The following TMEM50B variants were observed in gnomAD, a reference collection of about 807,000 sequenced individuals.
TMEM50B encodes transmembrane protein 50B.
TMEM50B carries 14 observed loss-of-function variants against 23.4 expected under a neutral mutation model. That is an observed-to-expected ratio of 0.60 (90% CI 0.39 to 0.93). The LOEUF (loss-of-function observed/expected upper bound fraction) is 0.93. Among genes scored for constraint, TMEM50B ranks in the 40% least tolerant of loss-of-function variants. The pLI is 0.00. For synonymous variants in TMEM50B, 64 were observed against 62.3 expected (o/e 1.03, Z -0.13); for missense variants, 159 against 193.0 (o/e 0.82, Z 1.04).
intron 5 of TMEM50B, chr21:33,456,111 T>A: frequency 3.6e-6 from 2 of 560,092 alleles, no homozygotes; most frequent in Non-Finnish European, 7.0e-6. Context: ...AAATGCAAAA[T>A]CGTAAAAACA....
chr21:33,434,650 G>T (rs887681421), intron 8 of TMEM50B, among the ~76,000 whole-genome samples: 6 of 152,154 alleles, frequency 3.9e-5, no homozygotes, highest in Non-Finnish European at 8.8e-5. Context: ...GGTTAGATAA[G>T]GTCCAAGTCT....
At chr21:33,457,346 C>A (rs560651383) in intron 5 of TMEM50B, among the ~76,000 whole-genome samples, 44 of 151,836 alleles carry the variant, frequency 2.9e-4, no homozygotes, top group Middle Eastern at 3.4e-3. Context: ...TTTACTAGTT[C>A]TTTAAATATT....
intron 1 of TMEM50B, among the ~76,000 whole-genome samples, chr21:33,472,789 T>G (rs1429331433): frequency 6.6e-6 from 1 of 150,866 alleles, no homozygotes; most frequent in Non-Finnish European, 1.5e-5. Flanking sequence ...GGAGGATCAC[T>G]TGAACCTGGG....
At chr21:33,465,270 CAA>C in intron 4 of TMEM50B, 70 bp downstream of exon 4, 1 of 1,154,838 alleles carries the variant, frequency 8.7e-7, no homozygotes, top group Non-Finnish European at 1.3e-6. Context: ...TAAAGACTCA[CAA>C]GAGAGGCTTT....
intron 8 of TMEM50B, chr21:33,432,941 C>CA: frequency 1.5e-6 from 2 of 1,303,542 alleles, no homozygotes; most frequent in Non-Finnish European, 2.2e-6. Context: ...GCGGGAGTGT[C>CA]ATGGTACAAT....
chr21:33,442,279 C>T lies in TMEM50B; in HGVS notation c.*2037-2982G>A, dbSNP rs146094992. 3.1e-3 allele frequency among the ~76,000 whole-genome samples: 477 copies of T among 152,192 alleles called. 3 individuals are homozygous for T. Among genetic ancestry groups the T allele is most frequent in the Non-Finnish European group, 5.6e-3 (378 of 68,030 alleles). ...CCTCCCTTGAGACTCAAGGACTGTCCCACGGGAATGAAGTGAAAGTGACGT... is the reference window on the plus strand; with the variant it reads ...CCTCCCTTGAGACTCAAGGACTGTCTCACGGGAATGAAGTGAAAGTGACGT... On this transcript the variant is annotated intron_variant and NMD_transcript_variant, in intron 7 of 8. Transcript: ENST00000420455.
At position 33,458,347 on chromosome 21, in the gene TMEM50B, C is replaced by T. The variant is rs373109988; in HGVS notation, c.373+2066G>A. Among the ~76,000 whole-genome samples, 10 of 152,244 alleles carry T rather than the reference C, an allele frequency of 6.6e-5. No individual in the cohort carries two copies. The South Asian group carries it at 2.1e-3, about 32-fold the overall frequency. ...TGACCAATATGGTGAAACCCCATCT[C>T]TACTAAAAATACAAAAATTATCTGG... On this transcript the variant is annotated intron_variant, in intron 5 of 6. Coordinates refer to ENST00000542230, the MANE Select transcript of TMEM50B (RefSeq NM_006134.7).
intron 8 of TMEM50B, chr21:33,432,885 C>CAT: frequency 6.4e-7 from 1 of 1,569,810 alleles, no homozygotes; most frequent in Non-Finnish European, 8.7e-7. Flanking sequence ...CGTGTGCACA[C>CAT]ATCTCTTTTT....
At chr21:33,471,335 G>A (rs151046527) in intron 1 of TMEM50B, among the ~76,000 whole-genome samples, 23 of 132,840 alleles carry the variant, frequency 1.7e-4, no homozygotes, top group Non-Finnish European at 3.4e-4. Context: ...TATTCACAAC[G>A]TCCAATATAT....
intron 6 of TMEM50B, among the ~76,000 whole-genome samples, chr21:33,455,225 C>T (rs2084158598): frequency 2.0e-5 from 3 of 152,152 alleles, no homozygotes; most frequent in Admixed American, 2.0e-4. Flanking sequence ...TGGTCTCACT[C>T]TATTGCCCAG....
intron 1 of TMEM50B, among the ~76,000 whole-genome samples, chr21:33,470,969 CCCAGGGAGT>C (rs2123454752): frequency 6.6e-6 from 1 of 152,258 alleles, no homozygotes; most frequent in African/African-American, 2.4e-5. Context: ...CCATTCCCAG[CCCAGGGAGT>C]CCCCTTGGCA....
chr21:33,463,955 TTTA>T (rs1168836817), intron 4 of TMEM50B, among the ~76,000 whole-genome samples: 5 of 152,212 alleles, frequency 3.3e-5, no homozygotes, highest in African/African-American at 7.2e-5. Flanking sequence ...ATTAGTGAAT[TTTA>T]TTATACTTAA....
intron 5 of TMEM50B, chr21:33,456,050 A>C: frequency 1.5e-6 from 1 of 654,750 alleles, no homozygotes; most frequent in Non-Finnish European, 2.9e-6. Context: ...GCTACATCAA[A>C]ACTGCTGAGG....
chr21:33,469,041 A>G (rs1016472098), intron 1 of TMEM50B, 115 bp from the exon 2 acceptor site: 58 of 623,306 alleles, frequency 9.3e-5, no homozygotes, highest in Non-Finnish European at 1.4e-4. Flanking sequence ...CTATTCTACT[A>G]TAGTTAAGAA....
At position 33,450,670 on chromosome 21, in the gene TMEM50B, A is replaced by C. The variant is rs1222597304; in HGVS notation, c.*148T>G. The stretch of plus-strand genomic sequence containing the variant: ...CAATGAAAAATAAAGAAATTTCATA[A>C]AACTATTTCAAAACTCAGAACATAA... On this transcript the variant is annotated 3_prime_UTR_variant, in exon 7 of 7. Coordinates refer to ENST00000542230, the MANE Select transcript of TMEM50B (RefSeq NM_006134.7). 7 of 603,074 alleles carry C rather than the reference A, an allele frequency of 1.2e-5. No individual in the cohort carries two copies. The East Asian group carries it at 1.9e-4, about 17-fold the overall frequency. The allele number at this position is 603,074 out of a possible 1,614,324, so 37.4% of individuals were successfully genotyped here.
chr21:33,464,837 A>G (rs2186280), intron 4 of TMEM50B, among the ~76,000 whole-genome samples: 86,487 of 146,852 alleles, frequency 0.59, 27,946 homozygotes, highest in East Asian at 0.84. Flanking sequence ...AAAATTGGAT[A>G]ACAATTCAAA....
chr21:33,448,435 C>T (rs2084085834), downstream of TMEM50B, among the ~76,000 whole-genome samples: 1 of 152,024 alleles, frequency 6.6e-6, no homozygotes, highest in Non-Finnish European at 1.5e-5. Context: ...TGTGTTGAGA[C>T]CAGTTCACCC....
chr21:33,463,239 C>A (rs143309625), intron 4 of TMEM50B, among the ~76,000 whole-genome samples: 116 of 152,338 alleles, frequency 7.6e-4, no homozygotes, highest in Middle Eastern at 3.4e-3. Context: ...ATGCAATGAG[C>A]TGAGATCGCA....
chr21:33,451,502 T>G (rs1009626323), intron 6 of TMEM50B, among the ~76,000 whole-genome samples: 1 of 151,988 alleles, frequency 6.6e-6, no homozygotes, highest in Admixed American at 6.6e-5. Context: ...GGATCAGACC[T>G]AGTTAGAGAG....
Sources: gnomAD v4.1 joint callset for allele counts (sites outside exome capture counted in the v4.1 genomes callset) on GRCh38, gnomAD v4.1.1 for gene constraint, MANE v1.5 for transcripts, NCBI Gene and HGNC (gene_info 2026-07-23, HGNC 2026-07-21) for gene names.